Variants in DYNC2H1 observed in about 807,000 individuals in gnomAD.
DYNC2H1 encodes the protein cytoplasmic dynein 2 heavy chain 1.
Under a neutral mutation model 570.0 loss-of-function variants are expected in DYNC2H1, and 410 were observed. That is an observed-to-expected ratio of 0.72 (90% CI 0.66 to 0.78). The LOEUF (loss-of-function observed/expected upper bound fraction) is 0.78, where lower values mean the gene tolerates loss of function less well. Among genes scored for constraint, DYNC2H1 ranks in the 30% least tolerant of loss-of-function variants. The probability of loss-of-function intolerance (pLI) is 0.00; values close to 1 mark genes in which losing one functional copy is unlikely to be tolerated. For missense variants in DYNC2H1, 4,865 were observed against 5,046.4 expected (o/e 0.96, Z 1.09); for synonymous variants, 1,688 against 1,677.6 (o/e 1.01, Z -0.15).
chr11:103,401,660 C>T (rs1228267550), intron 84 of DYNC2H1, among the ~76,000 whole-genome samples: 3 of 152,116 alleles, frequency 2.0e-5, no homozygotes, highest in African/African-American at 7.2e-5. Flanking sequence ...CTTCGCTTTT[C>T]TCATTTGTAA....
chr11:103,380,697 G>A lies in DYNC2H1; in HGVS notation c.12157-18966G>A, dbSNP rs1368210533. ...CAACCTCAGCCTCTCTAGTAGCTGG[G>A]ACCACAGGTGCACGGCACCAGCCTG... On this transcript the variant is annotated intron_variant, in intron 83 of 88. Coordinates refer to ENST00000375735, the MANE Select transcript of DYNC2H1 (RefSeq NM_001377.3). Among the ~76,000 whole-genome samples the A allele has an allele frequency of 5.3e-5, 8 of 152,190 alleles. No homozygotes were observed. In the East Asian group the frequency reaches 1.6e-3, roughly 30 times the overall value.
intron 84 of DYNC2H1, among the ~76,000 whole-genome samples, chr11:103,412,348 A>G (rs1196272693): frequency 6.6e-6 from 1 of 152,136 alleles, no homozygotes; most frequent in South Asian, 2.1e-4. Context: ...TTTTTTAAAT[A>G]CACAATATTT....
At chr11:103,197,908 A>T in intron 47 of DYNC2H1, 25 bp from the exon 48 acceptor site, 1 of 1,557,062 alleles carries the variant, frequency 6.4e-7, no homozygotes. Context: ...TGCATATAAA[A>T]CAAAAATATC....
chr11:103,133,812 G>A lies in DYNC2H1; in HGVS notation c.2106+105G>A, dbSNP rs1859394166. The A allele has an allele frequency of 8.1e-7, 1 of 1,231,178 alleles. No individual in the cohort carries two copies. Among genetic ancestry groups the A allele is most frequent in the East Asian group, 2.7e-5 (1 of 37,518 alleles). The allele number at this position is 1,231,178 out of a possible 1,614,324, so 76.3% of individuals were successfully genotyped here. A position where few individuals can be genotyped will look rare whatever the true frequency, so the allele number is the denominator to read the frequency against. ...ATTTTGAAATAATTTGAGACTTAAAGTTACAAAAATAGTACAGAGAAATCA... is the reference window on the plus strand; with the variant it reads ...ATTTTGAAATAATTTGAGACTTAAAATTACAAAAATAGTACAGAGAAATCA... On this transcript the variant is annotated intron_variant, in intron 14 of 88. Transcript: ENST00000375735. The surrounding 1 kb of genome is among the most constrained non-coding windows in gnomAD (Gnocchi z 4.8).
At chr11:103,247,315 T>C (rs1005250361) in intron 65 of DYNC2H1, among the ~76,000 whole-genome samples, 9 of 152,020 alleles carry the variant, frequency 5.9e-5, no homozygotes, top group African/African-American at 2.2e-4. Context: ...TCCAGATGCC[T>C]CCTTTTAGGC....
intron 54 of DYNC2H1, 127 bp downstream of exon 54, chr11:103,212,070 A>G (rs1863178123): frequency 8.6e-7 from 1 of 1,161,238 alleles, no homozygotes; most frequent in Non-Finnish European, 1.1e-6. Context: ...AAAGCCTTGG[A>G]AAACAGTCTC....
At chr11:103,128,151 T>C (rs1354671182) in intron 12 of DYNC2H1, among the ~76,000 whole-genome samples, 1 of 152,196 alleles carries the variant, frequency 6.6e-6, no homozygotes, top group Non-Finnish European at 1.5e-5. Context: ...GGCTCATTCT[T>C]TAGTATATTG....
In DYNC2H1 at chr11:103,170,116, T is replaced by C. The variant is rs1217659251; in HGVS notation, c.4977T>C (p.Ala1659=). 1 of 1,611,144 alleles carries C rather than the reference T, an allele frequency of 6.2e-7. No homozygotes were observed. The highest frequency in any genetic ancestry group is 8.5e-7 in the Non-Finnish European group (1 of 1,178,562). The change falls in exon 33 of 89, where the codon GCT becomes GCC. Residue 1659 remains alanine (A), a synonymous_variant. Coordinates refer to ENST00000375735, the MANE Select transcript of DYNC2H1 (RefSeq NM_001377.3). This position sits in a 1 kb window ranked among gnomAD's most constrained non-coding sequence, Gnocchi z 4.8. ...FQYTYEYQGN[A]SKLVYTPLTD... ...GTGTTGTTCTTGTATAGGGTAATGC[T>C]TCCAAACTGGTTTATACTCCACTGA...
chr11:103,353,287 C>T (rs563607246), intron 82 of DYNC2H1, among the ~76,000 whole-genome samples: 4 of 152,180 alleles, frequency 2.6e-5, no homozygotes, highest in South Asian at 2.1e-4. Flanking sequence ...ACATGTATCC[C>T]GAAACTTAAA....
At chr11:103,469,293 A>G (rs1945294525) in intron 88 of DYNC2H1, among the ~76,000 whole-genome samples, 1 of 152,218 alleles carries the variant, frequency 6.6e-6, no homozygotes, top group Non-Finnish European at 1.5e-5. Context: ...TATTGAAAAA[A>G]CTTTCAACAG....
chr11:103,358,887 A>C (rs1940495463), intron 83 of DYNC2H1, among the ~76,000 whole-genome samples: 2 of 152,244 alleles, frequency 1.3e-5, no homozygotes, highest in Admixed American at 6.5e-5. Flanking sequence ...TAATAATATG[A>C]AAATGGAATA....
chr11:103,377,098 G>T (rs1267722966), intron 83 of DYNC2H1, among the ~76,000 whole-genome samples: 2 of 152,076 alleles, frequency 1.3e-5, no homozygotes, highest in African/African-American at 4.8e-5. Context: ...AGAACTTTTG[G>T]GGTTGAATAT....
chr11:103,345,929 TTA>T (rs1017026969), intron 82 of DYNC2H1, among the ~76,000 whole-genome samples: 1 of 152,182 alleles, frequency 6.6e-6, no homozygotes, highest in Non-Finnish European at 1.5e-5. Context: ...TCTGTAAAAG[TTA>T]TATATGTTTT....
chr11:103,153,385 A>G lies in DYNC2H1; in HGVS notation c.3179A>G (p.Gln1060Arg), dbSNP rs1393634332. ...ELEKFKARWD[Q>R]LKPGDDVIET... ...GAAAAATTTAAAGCTCGTTGGGACC[A>G]ACTAAAGCCTGGTGATGATGTTATT... The change falls in exon 22 of 89, where the codon CAA (glutamine) becomes CGA (arginine). Residue 1060 changes from glutamine to arginine, a missense_variant. By Grantham distance (43) the Gln-to-Arg change is conservative. Around this residue, in one of 5 missense-constraint regions of DYNC2H1, gnomAD observed 1,936 missense variants for 1,962.1 expected, o/e 0.99. Transcript: ENST00000375735. The G allele has an allele frequency of 1.3e-6, 2 of 1,553,182 alleles. No individual in the cohort carries two copies. Among genetic ancestry groups the G allele is most frequent in the African/African-American group, 2.7e-5 (2 of 73,342 alleles).
intron 84 of DYNC2H1, among the ~76,000 whole-genome samples, chr11:103,410,793 AATTGTATAGCTTGGGTTC>A (rs60974210): frequency 0.51 from 77,090 of 151,898 alleles, 19,846 homozygotes; most frequent in African/African-American, 0.6. Flanking sequence ...AGCTTGGGTT[AATTGTATAGCTTGGGTTC>A]ATTGTATGGC....
intron 43 of DYNC2H1, 100 bp from the exon 44 acceptor site, chr11:103,188,397 A>G (rs542130460): frequency 3.5e-6 from 3 of 850,374 alleles, no homozygotes; most frequent in East Asian, 2.7e-5. Context: ...ATAGATGATG[A>G]TTGCATTTAG....
At chr11:103,344,638 A>G (rs549673933) in intron 82 of DYNC2H1, among the ~76,000 whole-genome samples, 2 of 152,310 alleles carry the variant, frequency 1.3e-5, no homozygotes, top group African/African-American at 2.4e-5. Context: ...GAGCATTTGT[A>G]TAATATAGCA....
At chr11:103,458,694 A>AT (rs1229135620) in intron 87 of DYNC2H1, among the ~76,000 whole-genome samples, 1 of 152,100 alleles carries the variant, frequency 6.6e-6, no homozygotes, top group Non-Finnish European at 1.5e-5. Context: ...TATTTTTACA[A>AT]TAACAGGTAA....
intron 13 of DYNC2H1, among the ~76,000 whole-genome samples, chr11:103,132,662 G>A (rs1287338396): frequency 6.6e-6 from 1 of 151,948 alleles, no homozygotes; most frequent in African/African-American, 2.4e-5. Context: ...GTGTGTGTGT[G>A]TGTGTGTGTG....
Sources: gnomAD v4.1 joint callset for allele counts (sites outside exome capture counted in the v4.1 genomes callset) on GRCh38, gnomAD v4.1.1 for gene constraint, gnomAD v4.1.1 regional missense constraint, Gnocchi (gnomAD v3.1) non-coding constraint, MANE v1.5 for transcripts, NCBI Gene and HGNC (gene_info 2026-07-23, HGNC 2026-07-21) for gene names.